OR4E2: variants seen among roughly 807,000 people sequenced by gnomAD.
OR4E2 encodes the protein olfactory receptor family 4 subfamily E member 2.
A neutral mutation model predicts 11.0 loss-of-function variants in OR4E2; 9 were observed. The observed-to-expected ratio is 0.82, with a 90% CI of 0.49 to 1.43. The LOEUF (loss-of-function observed/expected upper bound fraction) is 1.43, where lower values mean the gene tolerates loss of function less well. Ranked by LOEUF, OR4E2 falls within the 40% of genes most tolerant of loss-of-function variation. The pLI is 0.00. For missense variants in OR4E2, 441 were observed against 382.0 expected (o/e 1.15, Z -1.29); for synonymous variants, 159 against 147.3 (o/e 1.08, Z -0.57).
rs1169443233 is a variant in OR4E2, at chr14:21,657,381, CCTTCCTTT to C, written c.-103+796_-103+803del. Among the ~76,000 whole-genome samples, 220 of 138,108 alleles carry C rather than the reference CCTTCCTTT, an allele frequency of 1.6e-3. 3 individuals carry two copies. Among genetic ancestry groups the C allele is most frequent in the African/African-American group, 3.7e-3 (137 of 36,592 alleles). The allele number at this position is 138,108 out of a possible 152,430, so 90.6% of individuals were successfully genotyped here. Reference sequence around the variant, plus strand: ...TCCTTCCTTCCTTCCTTCCTTCCTTCCTTCCTTTCTTTCTTCCTTCCTTCCTTTCTTTC... The same window carrying C: ...TCCTTCCTTCCTTCCTTCCTTCCTTCCTTTCTTCCTTCCTTCCTTTCTTTC... On this transcript the variant is annotated intron_variant, in intron 2 of 3. Transcript: ENST00000641524.
intron 2 of OR4E2, among the ~76,000 whole-genome samples, chr14:21,657,389 T>TTCCTTCCTTCCTTCCTTC (rs1566581708): frequency 9.7e-5 from 8 of 82,270 alleles, no homozygotes; most frequent in South Asian, 5.0e-4. Context: ...TTCCTTCCTT[T>TTCCTTCCTTCCTTCCTTC]CTTTCTTCCT....
chr14:21,657,025 A>G (rs1464100471), intron 2 of OR4E2, among the ~76,000 whole-genome samples: 1 of 152,226 alleles, frequency 6.6e-6, no homozygotes, highest in Admixed American at 6.5e-5. Context: ...TACCTAGAAC[A>G]GTGCCTGGAA....
At chr14:21,654,747 TGAGAGAGA>T (rs34453088) in intron 1 of OR4E2, among the ~76,000 whole-genome samples, 1 of 146,434 alleles carries the variant, frequency 6.8e-6, no homozygotes, top group East Asian at 2.0e-4. Context: ...ATATATAAAA[TGAGAGAGA>T]GAGAGAGAGA....
chr14:21,659,196 C>T (rs1880179586), intron 2 of OR4E2, among the ~76,000 whole-genome samples: 1 of 151,944 alleles, frequency 6.6e-6, no homozygotes, highest in Admixed American at 6.6e-5. Flanking sequence ...CCACCACACT[C>T]AGCTAATTTT....
Position 21,666,180 on chromosome 14 carries a change from A to T in OR4E2, c.*156A>T, listed in dbSNP as rs1880639817. On this transcript the variant is annotated 3_prime_UTR_variant, in exon 4 of 4. Coordinates refer to ENST00000641524, the MANE Select transcript of OR4E2 (RefSeq NM_001001912.3). ...TTAAAGATAAGAACTTATTCTGTTC[A>T]TTAAAGATAAGAACTTATTAACTAT... is the stretch of plus-strand genomic sequence containing the variant. The T allele has an allele frequency of 8.9e-6, 5 of 561,530 alleles. No individual in the cohort carries two copies. The South Asian group carries it at 1.3e-4, about 15-fold the overall frequency. The allele number at this position is 561,530 out of a possible 1,614,324, so 34.8% of individuals were successfully genotyped here.
In OR4E2 at chr14:21,657,557, C is replaced by G. The variant is rs541297909; in HGVS notation, c.-103+968C>G. 4.9e-4 allele frequency among the ~76,000 whole-genome samples: 70 copies of G among 142,882 alleles called. 2 individuals are homozygous for G. Among genetic ancestry groups the G allele is most frequent in the South Asian group, 1.5e-3 (6 of 4,114 alleles). The allele number at this position is 142,882 out of a possible 152,430, so 93.7% of individuals were successfully genotyped here. ...TCTTTCTTTCTTTTTCTGTCTGTCT[C>G]TCTCTCTCTCTCTCTCTCCCCCTTC... On this transcript the variant is annotated intron_variant, in intron 2 of 3. Coordinates refer to ENST00000641524, the MANE Select transcript of OR4E2 (RefSeq NM_001001912.3).
intron 3 of OR4E2, among the ~76,000 whole-genome samples, chr14:21,661,606 G>T (rs993718801): frequency 2.0e-5 from 3 of 152,256 alleles, no homozygotes; most frequent in African/African-American, 4.8e-5. Context: ...GGTTTGGCAT[G>T]AGGCCTGGGT....
In OR4E2 at chr14:21,665,537, G is replaced by T. The variant is rs747316241; in HGVS notation, c.455G>T (p.Gly152Val). ...CTTGTCTTTGCTCTCTGGTTGGGGG[G>T]TACTGTTCACTCACTAGGGCAGACC... Reference protein sequence around the residue: ...IQLVFALWLGGTVHSLGQTFL... With the variant: ...IQLVFALWLGVTVHSLGQTFL... Residue 152 changes from glycine (G) to valine (V), a missense_variant, in exon 4 of 4, where the codon GGT (glycine) becomes GTT (valine). Coordinates refer to ENST00000641524, the MANE Select transcript of OR4E2 (RefSeq NM_001001912.3). 2.2e-5 allele frequency: 35 copies of T among 1,613,986 alleles called. No individual in the cohort carries two copies. Among genetic ancestry groups the T allele is most frequent in the Non-Finnish European group, 2.9e-5 (34 of 1,180,032 alleles).
rs1196591978 is a variant in OR4E2 at position 21,665,271 on chromosome 14, G to C, written c.189G>C (p.Leu63=). ...TCCATACCCCCATGTATTTCTTCCT[G>C]AGCAATCTGTCCTTTATTGACATCT... is the stretch of plus-strand genomic sequence containing the variant. ...PSLHTPMYFF[L]SNLSFIDICH... is the part of the protein sequence containing the mutation. The change falls in exon 4 of 4, where the codon CTG becomes CTC. Residue 63 remains leucine, a synonymous_variant. Transcript: ENST00000641524. The C allele has an allele frequency of 1.2e-6, 2 of 1,613,924 alleles. No individual in the cohort carries two copies. Among genetic ancestry groups the C allele is most frequent in the Admixed American group, 1.7e-5 (1 of 59,992 alleles).
intron 3 of OR4E2, among the ~76,000 whole-genome samples, chr14:21,662,621 T>A (rs1235524737): frequency 6.6e-6 from 1 of 152,134 alleles, no homozygotes; most frequent in African/African-American, 2.4e-5. Flanking sequence ...TTTTAAATTA[T>A]TGAGAAAGTT....
chr14:21,655,318 A>C (rs1879881781), intron 1 of OR4E2, among the ~76,000 whole-genome samples: 1 of 152,220 alleles, frequency 6.6e-6, no homozygotes, highest in Non-Finnish European at 1.5e-5. Context: ...TCTGATGCAC[A>C]AGAATAGACT....
intron 3 of OR4E2, among the ~76,000 whole-genome samples, chr14:21,662,343 C>T (rs184922843): frequency 1.3e-5 from 2 of 152,132 alleles, no homozygotes; most frequent in East Asian, 3.9e-4. Context: ...GTTGCCCAGG[C>T]TTGAGTGCAC....
In OR4E2 at chr14:21,665,432, T is replaced by G; in HGVS notation, c.350T>G (p.Ile117Ser). 6.2e-7 allele frequency: 1 copy of G among 1,614,120 alleles called. No individual in the cohort carries two copies. The highest frequency in any genetic ancestry group is 8.5e-7 in the Non-Finnish European group (1 of 1,179,986). Residue 117 changes from isoleucine to serine, a missense_variant, in exon 4 of 4, where the codon ATT (isoleucine) becomes AGT (serine). Coordinates refer to ENST00000641524, the MANE Select transcript of OR4E2 (RefSeq NM_001001912.3). ...TGTGCCGAGATCTTTCTGCTGATCATTATGGCGTATGATCGTTACGTGGCT... is the reference window on the plus strand; with the variant it reads ...TGTGCCGAGATCTTTCTGCTGATCAGTATGGCGTATGATCGTTACGTGGCT... ...FACAEIFLLIIMAYDRYVAIC... is the reference protein window; with the variant it reads ...FACAEIFLLISMAYDRYVAIC...
chr14:21,660,936 T>C (rs555109953), intron 3 of OR4E2, among the ~76,000 whole-genome samples, 190 bp downstream of exon 3: 11 of 152,312 alleles, frequency 7.2e-5, no homozygotes, highest in African/African-American at 2.6e-4. Flanking sequence ...ACACTTATGA[T>C]ATAATACTGA....
At chr14:21,661,990 T>C (rs1230267449) in intron 3 of OR4E2, among the ~76,000 whole-genome samples, 1 of 152,218 alleles carries the variant, frequency 6.6e-6, no homozygotes, top group Non-Finnish European at 1.5e-5. Context: ...CTACTTCTAG[T>C]AGCAGTGTTA....
rs747334388 is a variant in OR4E2 at position 21,666,654 on chromosome 14, C to T, written c.*630C>T. ...AAAGTTAAAACAAAACAAAACTATA[C>T]ACCCACAAGAATAGTAAAAATTAAA... On this transcript the variant is annotated 3_prime_UTR_variant, in exon 4 of 4. Coordinates refer to ENST00000641524, the MANE Select transcript of OR4E2 (RefSeq NM_001001912.3). 1 of 150,928 alleles carries T rather than the reference C, an allele frequency of 6.6e-6. No individual in the cohort carries two copies. The highest frequency in any genetic ancestry group is 1.5e-5 in the Non-Finnish European group (1 of 67,832). 9.3% of individuals were successfully genotyped at this position (150,928 alleles called of 1,614,324 possible).
rs1330950207 is a variant in OR4E2, at chr14:21,660,799, T to C, written c.-9+53T>C. 3.9e-5 allele frequency: 6 copies of C among 152,108 alleles called. No homozygotes were observed. In the East Asian group the frequency reaches 1.2e-3, roughly 29 times the overall value. The allele number at this position is 152,108 out of a possible 1,614,324, so 9.4% of individuals were successfully genotyped here. A position where few individuals can be genotyped will look rare whatever the true frequency, so the allele number is the denominator to read the frequency against. On this transcript the variant is annotated intron_variant, in intron 3 of 3. Transcript: ENST00000641524. ...TATGTTTTAATAGGATTTCTCACTGTAATGTTGAGAAAGATTGTACCATTA... is the reference window on the plus strand; with the variant it reads ...TATGTTTTAATAGGATTTCTCACTGCAATGTTGAGAAAGATTGTACCATTA...
chr14:21,657,440 TTTCCTTCCTTCCTTCCTTCCTTC>T (rs1880043514), intron 2 of OR4E2, among the ~76,000 whole-genome samples: 1 of 76,286 alleles, frequency 1.3e-5, no homozygotes, highest in Non-Finnish European at 2.6e-5. Flanking sequence ...TTCTTCTTTC[TTTCCTTCCTTCCTTCCTTCCTTC>T]CTTCCTTCCT....
chr14:21,654,978 G>A (rs896168553), intron 1 of OR4E2, among the ~76,000 whole-genome samples: 1 of 152,072 alleles, frequency 6.6e-6, no homozygotes, highest in East Asian at 1.9e-4. Flanking sequence ...ATGAAGCCTC[G>A]CCACATTATG....
Sources: gnomAD v4.1 joint callset for allele counts (sites outside exome capture counted in the v4.1 genomes callset) on GRCh38, gnomAD v4.1.1 for gene constraint, MANE v1.5 for transcripts, NCBI Gene and HGNC (gene_info 2026-07-23, HGNC 2026-07-21) for gene names.